The following SNX29 variants were observed in gnomAD, a reference collection of about 807,000 sequenced individuals.
SNX29 encodes sorting nexin-29.
SNX29 carries 78 observed loss-of-function variants against 102.1 expected under a neutral mutation model. That is an observed-to-expected ratio of 0.76 (90% CI 0.64 to 0.92). SNX29 has a LOEUF of 0.92. SNX29 is among the 40% of genes least tolerant of loss of function. SNX29 has a pLI of 0.00. For synonymous variants in SNX29, 580 were observed against 414.5 expected (o/e 1.40, Z -4.85); for missense variants, 1,280 against 1,061.7 (o/e 1.21, Z -2.86).
Position 12,552,543 on chromosome 16 carries a change from C to A in SNX29, c.2319-15963C>A, listed in dbSNP as rs1001440796. On this transcript the variant is annotated intron_variant, in intron 20 of 20. Coordinates refer to ENST00000566228, the MANE Select transcript of SNX29 (RefSeq NM_032167.5). ...GGGCCTTCATTTCTCAGTGATGTCC[C>A]CAGCACTGGCACACAGGCCAGCCAA... is the stretch of plus-strand genomic sequence containing the variant. Among the ~76,000 whole-genome samples the A allele has an allele frequency of 3.3e-5, 5 of 152,290 alleles. No individual in the cohort carries two copies. In the East Asian group the frequency reaches 9.6e-4, roughly 29 times the overall value.
At chr16:11,976,867 C>A (rs1411630427) in intron 1 of SNX29, 54 bp downstream of exon 1, 3 of 1,325,078 alleles carry the variant, frequency 2.3e-6, no homozygotes, top group East Asian at 3.1e-5. Context: ...GCTCCCGCCG[C>A]TCCAGCTGCA....
intron 20 of SNX29, among the ~76,000 whole-genome samples, chr16:12,528,592 C>G (rs529320503): frequency 2.0e-5 from 3 of 152,144 alleles, no homozygotes; most frequent in Non-Finnish European, 4.4e-5. Context: ...ACCCCCATCT[C>G]CTGTTGTCTC....
At chr16:12,431,992 TG>T (rs1350517590) in intron 18 of SNX29, among the ~76,000 whole-genome samples, 2 of 152,216 alleles carry the variant, frequency 1.3e-5, no homozygotes, top group Admixed American at 1.3e-4. Flanking sequence ...AGAGATAAGA[TG>T]GCTGCTCCCA....
At chr16:12,367,833 T>C (rs2082541438) in intron 16 of SNX29, among the ~76,000 whole-genome samples, 1 of 152,234 alleles carries the variant, frequency 6.6e-6, no homozygotes. Context: ...AGATTATTTT[T>C]AAAAGTGCCA....
intron 14 of SNX29, among the ~76,000 whole-genome samples, chr16:12,277,453 C>G (rs1367422265): frequency 1.3e-5 from 2 of 152,180 alleles, no homozygotes; most frequent in Non-Finnish European, 2.9e-5. Flanking sequence ...GCTCTTATGT[C>G]TTGCCAAACC....
chr16:12,539,051 A>C (rs12596290), intron 20 of SNX29, among the ~76,000 whole-genome samples: 7,954 of 152,226 alleles, frequency 0.052, 342 homozygotes, highest in East Asian at 0.18. Flanking sequence ...GAAAGACATC[A>C]CTGTGTATTC....
At chr16:12,292,517 C>G (rs887046747) in intron 15 of SNX29, among the ~76,000 whole-genome samples, 1 of 152,192 alleles carries the variant, frequency 6.6e-6, no homozygotes, top group Admixed American at 6.5e-5. Context: ...TCATTTCAGA[C>G]CCATTGAGGA....
At chr16:12,327,007 C>T (rs142649026) in intron 15 of SNX29, among the ~76,000 whole-genome samples, 2 of 152,198 alleles carry the variant, frequency 1.3e-5, no homozygotes, top group East Asian at 1.9e-4. Flanking sequence ...TGGGGTTGAC[C>T]GATGGGGCTG....
chr16:12,413,410 A>G (rs2084487564), intron 18 of SNX29, among the ~76,000 whole-genome samples: 1 of 151,902 alleles, frequency 6.6e-6, no homozygotes, highest in Non-Finnish European at 1.5e-5. Flanking sequence ...ATGGGAGCGA[A>G]TAACAGGGTC....
At chr16:12,091,859 A>G (rs1278577894) in intron 11 of SNX29, among the ~76,000 whole-genome samples, 1 of 151,848 alleles carries the variant, frequency 6.6e-6, no homozygotes, top group African/African-American at 2.4e-5. Context: ...AGGCGCCATC[A>G]GTGAACCAAG....
In SNX29 at chr16:12,109,143, A is replaced by AAAAG. The variant is rs1432700396; in HGVS notation, c.1403-17487_1403-17486insGAAA. Among the ~76,000 whole-genome samples, 17 of 149,626 alleles carry AAAAG rather than the reference A, an allele frequency of 1.1e-4. 1 individual carries two copies. The highest frequency in any genetic ancestry group is 4.0e-4 in the East Asian group (2 of 5,062). On this transcript the variant is annotated intron_variant, in intron 11 of 20. Transcript: ENST00000566228. Reference sequence around the variant, plus strand: ...GCGCTGTCTCAAAAAAAAAAAAAAAAAAAAAAAAAAAAGAAAAGGAATTTA... The same window carrying AAAAG: ...GCGCTGTCTCAAAAAAAAAAAAAAAAAAAGAAAAAAAAAAAAGAAAAGGAATTTA...
intron 16 of SNX29, chr16:12,374,826 C>G (rs1246204727): frequency 6.6e-6 from 1 of 152,156 alleles, no homozygotes; most frequent in East Asian, 1.9e-4. Context: ...TTCTGATGCT[C>G]CTGAGGTTGA....
chr16:12,459,465 G>A (rs553112867), intron 18 of SNX29, among the ~76,000 whole-genome samples: 40 of 152,244 alleles, frequency 2.6e-4, no homozygotes, highest in Admixed American at 3.9e-4. Flanking sequence ...AGACAGGCTG[G>A]GTGGAGAGTG....
intron 15 of SNX29, chr16:12,297,108 C>G (rs1596804068): frequency 6.6e-6 from 1 of 152,324 alleles, no homozygotes; most frequent in South Asian, 2.1e-4. Context: ...TTTTTTCCCC[C>G]CGCTGCAGAA....
At chr16:12,179,778 C>A (rs2076341005) in intron 13 of SNX29, among the ~76,000 whole-genome samples, 1 of 152,164 alleles carries the variant, frequency 6.6e-6, no homozygotes. Flanking sequence ...TTTATACTTA[C>A]AAATCAGTAT....
At chr16:12,485,393 T>C (rs1251442501) in intron 19 of SNX29, among the ~76,000 whole-genome samples, 1 of 152,198 alleles carries the variant, frequency 6.6e-6, no homozygotes, top group Non-Finnish European at 1.5e-5. Context: ...AGATTCCGTC[T>C]CCAAAAGTTC....
rs2055853751 is a variant in SNX29, at chr16:11,991,624, C to A, written c.8-7673C>A. On this transcript the variant is annotated intron_variant, in intron 1 of 20. Coordinates refer to ENST00000566228, the MANE Select transcript of SNX29 (RefSeq NM_032167.5). ...GCGGTGTGATCTCGGCTCACTGCAA[C>A]CTCCGCCTCCCAGGTTCAAGTGATT... Among the ~76,000 whole-genome samples the A allele has an allele frequency of 4.0e-5, 6 of 151,512 alleles. No individual in the cohort carries two copies. In the South Asian group the frequency reaches 1.2e-3, roughly 32 times the overall value.
At position 12,491,776 on chromosome 16, in the gene SNX29, G is replaced by A. The variant is rs542229261; in HGVS notation, c.2178+13917G>A. ...TTCCCACCTATAAGTGAGAACATGC[G>A]GTGTTTGGTTTTCTGTCCTTGTGAT... On this transcript the variant is annotated intron_variant, in intron 19 of 20. Coordinates refer to ENST00000566228, the MANE Select transcript of SNX29 (RefSeq NM_032167.5). Among the ~76,000 whole-genome samples, 51 of 152,084 alleles carry A rather than the reference G, an allele frequency of 3.4e-4. 1 individual carries two copies. The highest frequency in any genetic ancestry group is 6.8e-3 in the Middle Eastern group (2 of 294).
At chr16:12,551,039 G>C (rs1173148503) in intron 20 of SNX29, among the ~76,000 whole-genome samples, 1 of 152,146 alleles carries the variant, frequency 6.6e-6, no homozygotes, top group Admixed American at 6.5e-5. Context: ...TAAACAAGGT[G>C]TCATCCAGAT....
Sources: allele counts gnomAD v4.1 joint callset (sites outside exome capture counted in the v4.1 genomes callset), GRCh38; gene constraint gnomAD v4.1.1; transcripts MANE v1.5; gene names NCBI Gene and HGNC (gene_info 2026-07-23, HGNC 2026-07-21).